PTPRT: variants seen among roughly 807,000 people sequenced by gnomAD.
The protein encoded by PTPRT is protein tyrosine phosphatase receptor type T.
PTPRT carries 56 observed loss-of-function variants against 176.8 expected under a neutral mutation model. The ratio of observed to expected loss-of-function variants is 0.32; its 90% CI spans 0.26 to 0.40. The LOEUF (loss-of-function observed/expected upper bound fraction) is 0.40, where lower values mean the gene tolerates loss of function less well. Ranked by LOEUF, PTPRT falls within the 10% of genes least tolerant of loss-of-function variation. PTPRT has a pLI of 1.00. For synonymous variants in PTPRT, 783 were observed against 739.0 expected, an observed-to-expected ratio of 1.06 and a Z score of -0.96; for missense variants, 1,540 against 1,908.2, an observed-to-expected ratio of 0.81 and a Z score of 3.60.
At chr20:42,368,249 G>C (rs187954773) in intron 9 of PTPRT, among the ~76,000 whole-genome samples, 11 of 152,128 alleles carry the variant, frequency 7.2e-5, no homozygotes, top group African/African-American at 2.7e-4. Flanking sequence ...ACAAATTCAG[G>C]GTATTGAGGA....
intron 19 of PTPRT, among the ~76,000 whole-genome samples, chr20:42,121,652 C>A (rs1289368038): frequency 6.6e-6 from 1 of 151,154 alleles, no homozygotes; most frequent in Non-Finnish European, 1.5e-5. Context: ...GATATGAAAT[C>A]AACCTATGTG....
chr20:42,956,713 C>A (rs1244805499), intron 1 of PTPRT, among the ~76,000 whole-genome samples: 1 of 152,116 alleles, frequency 6.6e-6, no homozygotes, highest in Non-Finnish European at 1.5e-5. Flanking sequence ...GAGACTGTGA[C>A]AAAGTCTCAC....
At chr20:42,693,618 T>C (rs2075824726) in intron 6 of PTPRT, among the ~76,000 whole-genome samples, 1 of 152,158 alleles carries the variant, frequency 6.6e-6, no homozygotes, top group Non-Finnish European at 1.5e-5. Context: ...AGGAGAAGTG[T>C]ATTCTCAACA....
chr20:42,973,372 CA>C (rs1982766533), intron 1 of PTPRT, among the ~76,000 whole-genome samples: 1 of 152,112 alleles, frequency 6.6e-6, no homozygotes, highest in East Asian at 1.9e-4. Context: ...CCTAAAATGT[CA>C]GCTCAAATGT....
chr20:42,869,275 G>A (rs972573723), intron 2 of PTPRT, among the ~76,000 whole-genome samples: 14 of 152,218 alleles, frequency 9.2e-5, no homozygotes, highest in Admixed American at 3.9e-4. Context: ...CCACCATCAC[G>A]CAACACAAGC....
the PTPRT span, among the ~76,000 whole-genome samples, chr20:42,045,477 A>G: frequency 6.6e-6 from 1 of 151,026 alleles, no homozygotes; most frequent in East Asian, 1.9e-4. Context: ...AAATAAATCA[A>G]TTGATCCATA....
At chr20:42,209,845 A>G (rs898089194) in intron 15 of PTPRT, among the ~76,000 whole-genome samples, 6 of 152,186 alleles carry the variant, frequency 3.9e-5, no homozygotes, top group Non-Finnish European at 8.8e-5. Flanking sequence ...ACACAACAAA[A>G]AAAGAGAATT....
intron 2 of PTPRT, among the ~76,000 whole-genome samples, chr20:42,860,622 T>C (rs1472516790): frequency 3.3e-5 from 5 of 152,210 alleles, no homozygotes; most frequent in Non-Finnish European, 5.9e-5. Flanking sequence ...CAGGCTTTTA[T>C]ATTTGTTGCT....
chr20:42,612,204 T>C (rs558665214), intron 7 of PTPRT, among the ~76,000 whole-genome samples: 17 of 152,318 alleles, frequency 1.1e-4, no homozygotes, highest in Admixed American at 2.6e-4. Flanking sequence ...TCTCCCACCA[T>C]TGTTCTTCGA....
At chr20:42,674,762 C>T (rs2075471319) in intron 7 of PTPRT, among the ~76,000 whole-genome samples, 2 of 152,164 alleles carry the variant, frequency 1.3e-5, no homozygotes, top group Non-Finnish European at 2.9e-5. Context: ...CTCTGTTCAG[C>T]ATAGTGGTTC....
intron 14 of PTPRT, among the ~76,000 whole-genome samples, chr20:42,245,478 TC>T (rs2056432269): frequency 6.6e-6 from 1 of 152,140 alleles, no homozygotes; most frequent in South Asian, 2.1e-4. Flanking sequence ...AAGATCTCCC[TC>T]CCCCCGTTAC....
intron 6 of PTPRT, among the ~76,000 whole-genome samples, chr20:42,716,558 AGT>A (rs1239371979): frequency 6.6e-6 from 1 of 152,170 alleles, no homozygotes; most frequent in Non-Finnish European, 1.5e-5. Context: ...TCTTTTGAGA[AGT>A]GCCTGTTCAT....
intron 2 of PTPRT, among the ~76,000 whole-genome samples, chr20:42,800,606 A>G (rs1486363044): frequency 2.6e-5 from 4 of 152,156 alleles, no homozygotes; most frequent in Non-Finnish European, 1.5e-5. Context: ...GCATGATAAT[A>G]TTTTGATTAG....
At chr20:42,357,778 G>C (rs1225224940) in intron 9 of PTPRT, among the ~76,000 whole-genome samples, 1 of 152,170 alleles carries the variant, frequency 6.6e-6, no homozygotes, top group East Asian at 1.9e-4. Flanking sequence ...GCTGGGCATG[G>C]TGATGCACGC....
intron 8 of PTPRT, among the ~76,000 whole-genome samples, chr20:42,458,557 C>T (rs1459252950): frequency 6.6e-6 from 1 of 152,086 alleles, no homozygotes; most frequent in Non-Finnish European, 1.5e-5. Context: ...CTGATCCTCC[C>T]CCTGGCCCCA....
chr20:43,119,229 G>C (rs2013168086), intron 1 of PTPRT, among the ~76,000 whole-genome samples: 1 of 152,198 alleles, frequency 6.6e-6, no homozygotes, highest in Non-Finnish European at 1.5e-5. Flanking sequence ...AAAAGCTCTG[G>C]AAGAAGACAC....
chr20:42,739,163 C>T (rs1341735994), intron 6 of PTPRT, among the ~76,000 whole-genome samples: 3 of 152,210 alleles, frequency 2.0e-5, no homozygotes, highest in African/African-American at 7.2e-5. Context: ...CACATTTGTG[C>T]AGGCTCGACC....
At chr20:42,835,355 G>T (rs1600810328) in intron 2 of PTPRT, among the ~76,000 whole-genome samples, 1 of 152,202 alleles carries the variant, frequency 6.6e-6, no homozygotes, top group Non-Finnish European at 1.5e-5. Context: ...ATCACAATAT[G>T]AGGGGACTTC....
chr20:42,466,710 A>G (rs1474759561), intron 8 of PTPRT, among the ~76,000 whole-genome samples: 2 of 152,130 alleles, frequency 1.3e-5, no homozygotes, highest in Non-Finnish European at 2.9e-5. Context: ...ACAAAAATAA[A>G]TTATACTCCC....
Sources: allele counts gnomAD v4.1 joint callset (sites outside exome capture counted in the v4.1 genomes callset), GRCh38; gene constraint gnomAD v4.1.1; transcripts MANE v1.5; gene names NCBI Gene and HGNC (gene_info 2026-07-23, HGNC 2026-07-21).